The following CDH15 variants were observed in gnomAD, a reference collection of about 807,000 sequenced individuals.
CDH15 encodes the protein cadherin 15.
A neutral mutation model predicts 69.4 loss-of-function variants in CDH15; 73 were observed. The ratio of observed to expected loss-of-function variants is 1.05; its 90% confidence interval spans 0.87 to 1.28. The LOEUF is 1.28. Among genes scored for constraint, CDH15 ranks in the 50% most tolerant of loss-of-function variants. CDH15 has a pLI of 0.00. For missense variants in CDH15, 1,343 were observed against 1,133.6 expected (o/e 1.18, Z -2.65); for synonymous variants, 624 against 507.7 (o/e 1.23, Z -3.08).
At chr16:89,185,480 T>C (rs1383677200) in intron 5 of CDH15, 147 bp downstream of exon 5, 6 of 937,326 alleles carry the variant, frequency 6.4e-6, no homozygotes, top group African/African-American at 1.6e-5. Context: ...CCTGAGGAGA[T>C]GGCATGGGGT....
chr16:89,185,283 G>C lies in CDH15; in HGVS notation c.613G>C (p.Asp205His), dbSNP rs138870237. ...GGGCAGCCCCGAGCTCTTCAGCATC[G>C]ACGAGCTCACAGGAGAGATCCGCAC... The part of the protein sequence containing the change: ...QQGSPELFSI[D>H]ELTGEIRTVQ... The change falls in exon 5 of 14, where the codon GAC (aspartate) becomes CAC (histidine). Residue 205 changes from aspartate (D) to histidine (H), a missense_variant. Coordinates refer to ENST00000289746, the MANE Select transcript of CDH15 (RefSeq NM_004933.3). 1.9e-6 allele frequency: 3 copies of C among 1,606,248 alleles called. No individual in the cohort carries two copies. The East Asian group carries it at 6.7e-5, about 36-fold the overall frequency.
intron 1 of CDH15, among the ~76,000 whole-genome samples, chr16:89,179,213 G>A (rs539373747): frequency 3.1e-4 from 47 of 152,308 alleles, no homozygotes; most frequent in African/African-American, 8.9e-4. Flanking sequence ...GGCTCAGTCC[G>A]ACGGGGGCGG....
chr16:89,175,443 C>T (rs559837838), intron 1 of CDH15, among the ~76,000 whole-genome samples: 27 of 152,238 alleles, frequency 1.8e-4, no homozygotes, highest in African/African-American at 6.5e-4. Flanking sequence ...TCAGACCCCA[C>T]GTGACTCCTG....
chr16:89,193,969 C>G, intron 13 of CDH15, 56 bp downstream of exon 13: 1 of 1,565,156 alleles, frequency 6.4e-7, no homozygotes, highest in South Asian at 1.1e-5. Context: ...TGCACACACA[C>G]ATGCACATGT....
At chr16:89,175,991 GAC>G (rs1354160444) in intron 1 of CDH15, among the ~76,000 whole-genome samples, 2 of 152,262 alleles carry the variant, frequency 1.3e-5, no homozygotes, top group Non-Finnish European at 2.9e-5. Context: ...CTGGGCACAG[GAC>G]ACAGTCAGAG....
At position 89,195,270 on chromosome 16, in the gene CDH15, T is replaced by C. The variant is rs1915779056; in HGVS notation, c.*115T>C. The C allele has an allele frequency of 2.6e-6, 3 of 1,144,052 alleles. No homozygotes were observed. Among genetic ancestry groups the C allele is most frequent in the Middle Eastern group, 3.0e-4 (1 of 3,370 alleles). The allele number at this position is 1,144,052 out of a possible 1,614,324, so 70.9% of individuals were successfully genotyped here. A position where few individuals can be genotyped will look rare whatever the true frequency, so the allele number is the denominator to read the frequency against. On this transcript the variant is annotated 3_prime_UTR_variant, in exon 14 of 14. Coordinates refer to ENST00000289746, the MANE Select transcript of CDH15 (RefSeq NM_004933.3). ...CCTGGGCCTGGGGCAGCCTCCTTCCTGTAGGCGAGGGCCCAAGTCTGGGGG... is the reference window on the plus strand; with the variant it reads ...CCTGGGCCTGGGGCAGCCTCCTTCCCGTAGGCGAGGGCCCAAGTCTGGGGG...
intron 4 of CDH15, 99 bp from the exon 5 acceptor site, chr16:89,185,074 G>A (rs754852435): frequency 1.9e-5 from 23 of 1,195,302 alleles, no homozygotes; most frequent in African/African-American, 4.5e-5. Flanking sequence ...TGCTGGAACC[G>A]GGGAGCCTGT....
chr16:89,178,499 G>A (rs1190472048), intron 1 of CDH15, among the ~76,000 whole-genome samples: 2 of 152,116 alleles, frequency 1.3e-5, no homozygotes, highest in Non-Finnish European at 2.9e-5. Context: ...TGGGGGTGGG[G>A]CTGCCCCTCT....
At chr16:89,190,627 C>A in intron 8 of CDH15, 131 bp downstream of exon 8, 1 of 1,212,890 alleles carries the variant, frequency 8.2e-7, no homozygotes, top group South Asian at 1.4e-5. Context: ...TCCTGAAGGT[C>A]TGGAGGGTCT....
Position 89,191,899 on chromosome 16 carries a change from G to T in CDH15, c.1615+5G>T. On this transcript the variant is annotated splice_donor_5th_base_variant and intron_variant, in intron 10 of 13. Transcript: ENST00000289746. ...GGAGCCTCAGCCAGGTCAACGGTGC[G>T]CTCCCCTCACCGCCGCGCTCCCCCC... The T allele has an allele frequency of 6.4e-7, 1 of 1,554,934 alleles. No homozygotes were observed. The highest frequency in any genetic ancestry group is 8.6e-7 in the Non-Finnish European group (1 of 1,156,776).
chr16:89,188,261 C>G lies in CDH15; in HGVS notation c.954C>G (p.Asn318Lys), dbSNP rs770333207. 1.9e-6 allele frequency: 3 copies of G among 1,613,468 alleles called. No individual in the cohort carries two copies. The highest frequency in any genetic ancestry group is 2.2e-5 in the East Asian group (1 of 44,882). Residue 318 changes from asparagine (N) to lysine (K), a missense_variant, in exon 7 of 14, where the codon AAC becomes AAG. By Grantham distance (94) the Asn-to-Lys change is moderately conservative. Coordinates refer to ENST00000289746, the MANE Select transcript of CDH15 (RefSeq NM_004933.3). ...QFTIRTDPKT[N>K]EGVLSIVKAL... Reference sequence around the variant, plus strand: ...CCATCCGCACGGACCCCAAGACCAACGAGGGTGTTCTGTCCATTGTGAAGG... The same window carrying G: ...CCATCCGCACGGACCCCAAGACCAAGGAGGGTGTTCTGTCCATTGTGAAGG...
chr16:89,175,032 G>T (rs944911510), intron 1 of CDH15, among the ~76,000 whole-genome samples: 18 of 152,154 alleles, frequency 1.2e-4, no homozygotes, highest in Admixed American at 1.1e-3. Flanking sequence ...GAAGTGGGCC[G>T]TGGCCAGCCT....
intron 11 of CDH15, 82 bp downstream of exon 11, chr16:89,192,526 C>T: frequency 2.0e-6 from 3 of 1,490,242 alleles, no homozygotes; most frequent in Non-Finnish European, 2.7e-6. Flanking sequence ...ACCAGCCACG[C>T]CGCTTCCTCC....
chr16:89,172,981 C>T (rs1419618347), intron 1 of CDH15, among the ~76,000 whole-genome samples: 1 of 152,130 alleles, frequency 6.6e-6, no homozygotes, highest in South Asian at 2.1e-4. Flanking sequence ...TTCCTGAGTC[C>T]CCTCATTCCC....
At chr16:89,179,346 C>T in intron 1 of CDH15, 70 bp from the exon 2 acceptor site, 1 of 1,581,880 alleles carries the variant, frequency 6.3e-7, no homozygotes, top group South Asian at 1.1e-5. Flanking sequence ...CCACCCACAG[C>T]TCCCAGCTGC....
chr16:89,187,539 C>T lies in CDH15; in HGVS notation c.774C>T (p.Pro258=), dbSNP rs376519064. ...ITLDDINDNA[P]EFTRDEFFME... is the part of the protein sequence containing the mutation. The stretch of plus-strand genomic sequence containing the variant: ...TTGATGACATCAATGACAATGCCCC[C>T]GAGTTCACCAGGGATGAGGTGCTGC... The change falls in exon 6 of 14, where the codon CCC becomes CCT. Residue 258 remains proline (P), a synonymous_variant. Transcript: ENST00000289746. 5.1e-5 allele frequency: 82 copies of T among 1,613,554 alleles called. No homozygotes were observed. The highest frequency in any genetic ancestry group is 4.4e-4 in the South Asian group (40 of 91,094).
intron 1 of CDH15, 24 bp from the exon 2 acceptor site, chr16:89,179,392 G>A: frequency 6.2e-7 from 1 of 1,613,290 alleles, no homozygotes; most frequent in South Asian, 1.1e-5. Flanking sequence ...ACGGTACTGT[G>A]GGACGCATCT....
intron 4 of CDH15, 37 bp downstream of exon 4, chr16:89,183,729 G>A (rs763850349): frequency 3.8e-6 from 6 of 1,558,568 alleles, no homozygotes; most frequent in South Asian, 2.3e-5. Flanking sequence ...GGGAGGGGCT[G>A]CAAGGAAGGG....
At chr16:89,172,586 T>C (rs548012543) in intron 1 of CDH15, among the ~76,000 whole-genome samples, 3 of 152,272 alleles carry the variant, frequency 2.0e-5, no homozygotes, top group African/African-American at 4.8e-5. Flanking sequence ...AAATCTTGTC[T>C]GGACTGCTGG....
Sources: gnomAD v4.1 joint callset for allele counts (sites outside exome capture counted in the v4.1 genomes callset) on GRCh38, gnomAD v4.1.1 for gene constraint, MANE v1.5 for transcripts, NCBI Gene and HGNC (gene_info 2026-07-23, HGNC 2026-07-21) for gene names.